Variants in ZFP64 observed in about 807,000 individuals in gnomAD.
The protein encoded by ZFP64 is ZFP64 zinc finger protein, also known as zinc finger protein 64.
ZFP64 carries 14 observed loss-of-function variants against 51.6 expected under a neutral mutation model. The ratio of observed to expected loss-of-function variants is 0.27; its 90% CI spans 0.18 to 0.42. ZFP64 has a LOEUF of 0.42. Ranked by LOEUF, ZFP64 falls within the 10% of genes least tolerant of loss-of-function variation. The pLI is 1.00. For synonymous variants in ZFP64, 375 were observed against 361.4 expected, an observed-to-expected ratio of 1.04 and a Z score of -0.43; for missense variants, 754 against 906.8, an observed-to-expected ratio of 0.83 and a Z score of 2.16.
At chr20:52,123,303 A>T (rs544709551) in intron 5 of ZFP64, among the ~76,000 whole-genome samples, 3 of 152,356 alleles carry the variant, frequency 2.0e-5, no homozygotes, top group Admixed American at 1.3e-4. Context: ...TGCTGCGCCC[A>T]GCAGACTGAC....
Position 52,191,081 on chromosome 20 carries a change from G to A in ZFP64, c.46+510C>T, listed in dbSNP as rs2075361550. On this transcript the variant is annotated intron_variant, in intron 1 of 5. Coordinates refer to ENST00000216923, the MANE Select transcript of ZFP64 (RefSeq NM_018197.3). The surrounding 1 kb of genome is among the most constrained non-coding windows in gnomAD (Gnocchi z 4.3). Reference sequence around the variant, plus strand: ...CCCAAACCCAAATAAAGCGACCACGGCCCCGTTTTCCATTCAGATCTCCAC... The same window carrying A: ...CCCAAACCCAAATAAAGCGACCACGACCCCGTTTTCCATTCAGATCTCCAC... Among the ~76,000 whole-genome samples the A allele has an allele frequency of 6.6e-6, 1 of 152,032 alleles. No individual in the cohort carries two copies. Among genetic ancestry groups the A allele is most frequent in the South Asian group, 2.1e-4 (1 of 4,824 alleles).
rs913736579 is a variant in ZFP64 at position 52,152,169 on chromosome 20, G to A, written c.2023C>T (p.Pro675Ser). 2 of 1,613,968 alleles carry A rather than the reference G, an allele frequency of 1.2e-6. No homozygotes were observed. The highest frequency in any genetic ancestry group is 2.7e-5 in the African/African-American group (2 of 74,912). ...QGAAHPALLCPADSIPD is the reference protein window; with the variant it reads ...QGAAHPALLCSADSIPD ...CACTAATCTGGAATGGAGTCGGCGG[G>A]ACAGAGCAAAGCTGGATGGGCTGCC... Residue 675 changes from proline (P) to serine (S), a missense_variant, in exon 6 of 6, where the codon CCC (proline) becomes TCC (serine). Coordinates refer to ENST00000216923, the MANE Select transcript of ZFP64 (RefSeq NM_018197.3).
intron 5 of ZFP64, among the ~76,000 whole-genome samples, chr20:52,140,210 A>G (rs958650265): frequency 5.3e-5 from 8 of 152,144 alleles, no homozygotes; most frequent in African/African-American, 1.7e-4. Context: ...AATTAGGCCA[A>G]TTAATAACCC....
At chr20:52,141,315 C>T (rs937523315) in intron 5 of ZFP64, among the ~76,000 whole-genome samples, 25 of 152,134 alleles carry the variant, frequency 1.6e-4, no homozygotes, top group Admixed American at 6.5e-4. Flanking sequence ...TCTGATGCAT[C>T]TGGGCAAAGT....
intron 5 of ZFP64, among the ~76,000 whole-genome samples, chr20:52,137,343 G>A (rs1319515279): frequency 1.3e-5 from 2 of 151,992 alleles, no homozygotes; most frequent in Non-Finnish European, 2.9e-5. Context: ...CAACTTTGCT[G>A]GGCTACAGGA....
In ZFP64 at chr20:52,160,291, C is replaced by T. The variant is rs1981679380; in HGVS notation, c.595G>A (p.Gly199Ser). Reference sequence around the variant, plus strand: ...GTCTTACACTTGTAGGGCTTCACGCCCGTGTGGCACCGCATGTGAGTTTTC... The same window carrying T: ...GTCTTACACTTGTAGGGCTTCACGCTCGTGTGGCACCGCATGTGAGTTTTC... Reference protein sequence around the residue: ...KLKTHMRCHTGVKPYKCKTCD... With the variant: ...KLKTHMRCHTSVKPYKCKTCD... Residue 199 changes from glycine to serine, a missense_variant, in exon 5 of 6, where the codon GGC becomes AGC. Transcript: ENST00000216923. This position sits in a 1 kb window ranked among gnomAD's most constrained non-coding sequence, Gnocchi z 4.2. The T allele has an allele frequency of 6.2e-7, 1 of 1,614,104 alleles. No individual in the cohort carries two copies. The highest frequency in any genetic ancestry group is 1.1e-5 in the South Asian group (1 of 91,094).
At chr20:52,149,773 G>GTA (rs1980699154), downstream of ZFP64, among the ~76,000 whole-genome samples, 4 of 152,142 alleles carry the variant, frequency 2.6e-5, no homozygotes, top group African/African-American at 9.7e-5. Flanking sequence ...ATGTATGTAT[G>GTA]TGTATGTATT....
Position 52,164,759 on chromosome 20 carries a change from T to TAAA in ZFP64, c.449-5_449-3dup, listed in dbSNP as rs72411807. ...CATAAGCAGTCTTGAATTGGCAACCTAAAAAAAAAAAGGAAAGATTAATTA... is the reference window on the plus strand; with the variant it reads ...CATAAGCAGTCTTGAATTGGCAACCTAAAAAAAAAAAAAAGGAAAGATTAATTA... On this transcript the variant is annotated splice_region_variant and splice_polypyrimidine_tract_variant and intron_variant, in intron 3 of 5. Coordinates refer to ENST00000216923, the MANE Select transcript of ZFP64 (RefSeq NM_018197.3). 4,890 of 1,397,404 alleles carry TAAA rather than the reference T, an allele frequency of 3.5e-3. No homozygotes were observed. Among genetic ancestry groups the TAAA allele is most frequent in the Non-Finnish European group, 4.0e-3 (4,081 of 1,012,462 alleles). 86.6% of individuals were successfully genotyped at this position (1,397,404 alleles called of 1,614,324 possible).
In ZFP64 at chr20:52,160,590, T is replaced by G. The variant is rs1305209594; in HGVS notation, c.512-216A>C. On this transcript the variant is annotated intron_variant, in intron 4 of 5. Coordinates refer to ENST00000216923, the MANE Select transcript of ZFP64 (RefSeq NM_018197.3). The surrounding 1 kb of genome is among the most constrained non-coding windows in gnomAD (Gnocchi z 4.2). Reference sequence around the variant, plus strand: ...ATTGGTATTACTTGAATTTTTAAAATGATGAATATGAATTTCTTATAAATT... The same window carrying G: ...ATTGGTATTACTTGAATTTTTAAAAGGATGAATATGAATTTCTTATAAATT... 6.6e-6 allele frequency among the ~76,000 whole-genome samples: 1 copy of G among 152,156 alleles called. No individual in the cohort carries two copies. The highest frequency in any genetic ancestry group is 1.5e-5 in the Non-Finnish European group (1 of 68,002).
At chr20:52,093,367 T>C (rs1030163755) in intron 7 of ZFP64, among the ~76,000 whole-genome samples, 1 of 152,152 alleles carries the variant, frequency 6.6e-6, no homozygotes, top group Non-Finnish European at 1.5e-5. Context: ...CTTGAACTCC[T>C]GACCTCAGGT....
chr20:52,084,238 T>G, exon 9 of ZFP64: 1 of 303,328 alleles, frequency 3.3e-6, no homozygotes, highest in Non-Finnish European at 6.1e-6. Flanking sequence ...TGGATCAGTT[T>G]TAAAATTGGA....
At chr20:52,109,727 G>A (rs898671006) in intron 5 of ZFP64, among the ~76,000 whole-genome samples, 47 of 147,496 alleles carry the variant, frequency 3.2e-4, no homozygotes, top group African/African-American at 1.1e-3. Flanking sequence ...GTTGCAGTGA[G>A]CTGAGATCGT....
chr20:52,111,062 G>A, intron 5 of ZFP64: 2 of 1,236,536 alleles, frequency 1.6e-6, no homozygotes, highest in Non-Finnish European at 2.4e-6. Flanking sequence ...GGAGCGGAGA[G>A]GAGCAGGAAG....
chr20:52,113,259 G>A (rs1392990506), intron 5 of ZFP64, among the ~76,000 whole-genome samples: 1 of 151,328 alleles, frequency 6.6e-6, no homozygotes, highest in Non-Finnish European at 1.5e-5. Flanking sequence ...ACGTGAACCC[G>A]GGAGGCGGAG....
In ZFP64 at chr20:52,104,844, G is replaced by A. The variant is rs542714517; in HGVS notation, c.764-6257C>T. On this transcript the variant is annotated intron_variant, in intron 5 of 8. Coordinates refer to the ZFP64 transcript ENST00000361387. Reference sequence around the variant, plus strand: ...GCGCATCCCGAAAACAGCCTCTGAGGGGTCCTCTGAGCATCCTTCCAGCGT... The same window carrying A: ...GCGCATCCCGAAAACAGCCTCTGAGAGGTCCTCTGAGCATCCTTCCAGCGT... 7.7e-5 allele frequency: 50 copies of A among 646,060 alleles called. 2 individuals carry two copies. The highest frequency in any genetic ancestry group is 6.3e-4 in the South Asian group (42 of 66,576). 40.0% of individuals were successfully genotyped at this position (646,060 alleles called of 1,614,324 possible). A position where few individuals can be genotyped will look rare whatever the true frequency, so the allele number is the denominator to read the frequency against.
At chr20:52,120,923 C>T (rs569959657) in intron 5 of ZFP64, among the ~76,000 whole-genome samples, 3 of 152,156 alleles carry the variant, frequency 2.0e-5, no homozygotes, top group South Asian at 4.2e-4. Flanking sequence ...GTGATCTGCC[C>T]GCCTTGGCCT....
At chr20:52,132,507 G>C (rs531639904) in intron 5 of ZFP64, among the ~76,000 whole-genome samples, 6 of 151,798 alleles carry the variant, frequency 4.0e-5, no homozygotes, top group African/African-American at 1.2e-4. Context: ...AAATAAAATC[G>C]GAAATGAAAA....
chr20:52,148,024 T>C (rs1980608514), downstream of ZFP64, among the ~76,000 whole-genome samples: 1 of 152,208 alleles, frequency 6.6e-6, no homozygotes, highest in Non-Finnish European at 1.5e-5. Context: ...TAAGTTCATA[T>C]AAAATACTGA....
At chr20:52,087,366 C>T (rs1438541657) in intron 8 of ZFP64, among the ~76,000 whole-genome samples, 5 of 152,274 alleles carry the variant, frequency 3.3e-5, no homozygotes, top group African/African-American at 7.2e-5. Flanking sequence ...ATTTTTTTCC[C>T]GTAATCTCTG....
Sources: gnomAD v4.1 joint callset for allele counts (sites outside exome capture counted in the v4.1 genomes callset) on GRCh38, gnomAD v4.1.1 for gene constraint, Gnocchi (gnomAD v3.1) non-coding constraint, MANE v1.5 for transcripts, NCBI Gene and HGNC (gene_info 2026-07-23, HGNC 2026-07-21) for gene names.